The following MACF1 variants were observed in gnomAD, a reference collection of about 807,000 sequenced individuals.
MACF1 encodes microtubule-actin cross-linking factor 1.
MACF1 carries 193 observed loss-of-function variants against 854.8 expected under a neutral mutation model. That is an observed-to-expected ratio of 0.23 (90% CI 0.20 to 0.25). The LOEUF is 0.25. MACF1 is among the 10% of genes least tolerant of loss of function. The probability of loss-of-function intolerance (pLI) is 1.00; values close to 1 mark genes in which losing one functional copy is unlikely to be tolerated. For missense variants in MACF1, 7,722 were observed against 8,929.1 expected, an observed-to-expected ratio of 0.86 and a Z score of 5.45; for synonymous variants, 3,185 against 3,226.7, an observed-to-expected ratio of 0.99 and a Z score of 0.44.
chr1:39,411,417 G>A (rs754366103), intron 58 of MACF1: 2 of 1,613,908 alleles, frequency 1.2e-6, no homozygotes, highest in East Asian at 4.5e-5. Flanking sequence ...CTGTCTTGAG[G>A]ACTTTTGGCC....
chr1:39,437,139 C>G (rs986137892), intron 70 of MACF1, among the ~76,000 whole-genome samples: 2 of 151,952 alleles, frequency 1.3e-5, no homozygotes, highest in Non-Finnish European at 2.9e-5. Context: ...AGTCTTGTCC[C>G]TTTTTTGTTA....
chr1:39,214,698 C>G (rs1644555334), intron 1 of MACF1, among the ~76,000 whole-genome samples: 1 of 152,216 alleles, frequency 6.6e-6, no homozygotes, highest in African/African-American at 2.4e-5. Flanking sequence ...TCCCTTTTGG[C>G]AGCTGTAAGT....
intron 1 of MACF1, among the ~76,000 whole-genome samples, chr1:39,205,627 G>T (rs750549207): frequency 3.3e-5 from 5 of 152,020 alleles, no homozygotes; most frequent in African/African-American, 1.2e-4. Context: ...GGAAGGGGTC[G>T]TGCGATGTCC....
At chr1:39,383,891 G>A (rs1300296451) in intron 56 of MACF1, among the ~76,000 whole-genome samples, 1 of 151,532 alleles carries the variant, frequency 6.6e-6, no homozygotes, top group East Asian at 1.9e-4. Flanking sequence ...AAAAAAAAGT[G>A]GCATTGTTTT....
At chr1:39,410,553 G>A in intron 58 of MACF1, 1 of 1,614,018 alleles carries the variant, frequency 6.2e-7, no homozygotes, top group Non-Finnish European at 8.5e-7. Context: ...TGGATGAGAG[G>A]ATAATATTTG....
chr1:39,422,366 T>C lies in MACF1; in HGVS notation c.15817-8T>C, dbSNP rs965502603. The C allele has an allele frequency of 6.2e-6, 10 of 1,613,084 alleles. No individual in the cohort carries two copies. The highest frequency in any genetic ancestry group is 8.5e-6 in the Non-Finnish European group (10 of 1,179,364). On this transcript the variant is annotated splice_polypyrimidine_tract_variant and splice_region_variant and intron_variant, in intron 58 of 100. Coordinates refer to ENST00000564288, the MANE Select transcript of MACF1 (RefSeq NM_001394062.1). Reference sequence around the variant, plus strand: ...GTATTAAATCTTCTTTGGCTTGTAATTATCTAGATGTTTCAGAAAGAACAA... The same window carrying C: ...GTATTAAATCTTCTTTGGCTTGTAACTATCTAGATGTTTCAGAAAGAACAA...
chr1:39,282,679 A>G (rs774315929), intron 7 of MACF1, among the ~76,000 whole-genome samples: 48 of 152,310 alleles, frequency 3.2e-4, no homozygotes, highest in Admixed American at 6.5e-4. Context: ...GGTTTGTGGT[A>G]CTTTGGACAG....
rs752416926 is a variant in MACF1, at chr1:39,361,464, G to T, written c.12558G>T (p.Leu4186=). Residue 4186 remains leucine, a synonymous_variant, in exon 49 of 101, where the codon CTG becomes CTT. Transcript: ENST00000564288. ...CAGACAGTACTACAGCAGCAGTGCT[G>T]CAGGGCAAACTGGCAGAGGTGAGCC... is the stretch of plus-strand genomic sequence containing the variant. ...ETADSTTAAV[L]QGKLAEVSQR... 2.5e-6 allele frequency: 4 copies of T among 1,614,216 alleles called. No individual in the cohort carries two copies. The South Asian group carries it at 3.3e-5, about 13-fold the overall frequency.
At chr1:39,310,450 A>G (rs1424715342) in intron 25 of MACF1, 22 bp downstream of exon 25, 10 of 1,605,322 alleles carry the variant, frequency 6.2e-6, no homozygotes, top group Non-Finnish European at 7.7e-6. Context: ...GGGAAGAGGG[A>G]AAGAGAATAG....
intron 44 of MACF1, among the ~76,000 whole-genome samples, chr1:39,356,728 T>C (rs534861547): frequency 3.9e-5 from 6 of 152,330 alleles, no homozygotes; most frequent in Non-Finnish European, 7.3e-5. Context: ...CTTCCACTAA[T>C]GTAGATGATT....
intron 41 of MACF1, among the ~76,000 whole-genome samples, chr1:39,348,607 C>T (rs761078568): frequency 6.6e-6 from 1 of 152,036 alleles, no homozygotes; most frequent in Non-Finnish European, 1.5e-5. Context: ...TCTATTTGTC[C>T]TAAAGAGGGG....
intron 93 of MACF1, among the ~76,000 whole-genome samples, chr1:39,462,745 TAA>T (rs1644580605): frequency 6.6e-6 from 1 of 151,820 alleles, no homozygotes; most frequent in Non-Finnish European, 1.5e-5. Flanking sequence ...AAAAGGGGAG[TAA>T]AATGTAATGT....
intron 6 of MACF1, among the ~76,000 whole-genome samples, chr1:39,276,131 G>T (rs1645432154): frequency 6.6e-6 from 1 of 151,954 alleles, no homozygotes; most frequent in Non-Finnish European, 1.5e-5. Flanking sequence ...TGTTTCCCAG[G>T]CTCGTCTTGA....
intron 2 of MACF1, among the ~76,000 whole-genome samples, chr1:39,192,626 A>C (rs1644269408): frequency 6.6e-6 from 1 of 152,188 alleles, no homozygotes; most frequent in Non-Finnish European, 1.5e-5. Context: ...AAAGCAACAC[A>C]GTTTTCTTTG....
intron 2 of MACF1, chr1:39,102,691 C>T (rs965370705): frequency 1.4e-6 from 1 of 692,400 alleles, no homozygotes. Flanking sequence ...TATTACTCTT[C>T]TCTTCCACTA....
intron 1 of MACF1, among the ~76,000 whole-genome samples, chr1:39,207,574 C>G (rs1644466019): frequency 6.6e-6 from 1 of 152,022 alleles, no homozygotes; most frequent in Non-Finnish European, 1.5e-5. Context: ...GCCACCGTGC[C>G]TGGCTGAAGA....
In MACF1 at chr1:39,234,348, A is replaced by G. The variant is rs1312982144; in HGVS notation, c.171+3105A>G. On this transcript the variant is annotated intron_variant, in intron 2 of 100. Transcript: ENST00000564288. ...TGGTGGCCGGGCAGAGGGGCTCCTC[A>G]CTTCCCAGTAGGGGCGGCCGGGCAG... Among the ~76,000 whole-genome samples the G allele has an allele frequency of 2.7e-5, 4 of 150,520 alleles. No individual in the cohort carries two copies. The East Asian group carries it at 8.0e-4, about 30-fold the overall frequency.
chr1:39,094,117 A>AT (rs1641878941), intron 2 of MACF1, among the ~76,000 whole-genome samples: 1 of 151,756 alleles, frequency 6.6e-6, no homozygotes, highest in African/African-American at 2.4e-5. Context: ...CAAGACTCAG[A>AT]TTTTTTTTAC....
At position 39,334,191 on chromosome 1, in the gene MACF1, C is replaced by T; in HGVS notation, c.7603C>T (p.Leu2535Phe). The change falls in exon 37 of 101, where the codon CTC becomes TTC. Residue 2535 changes from leucine to phenylalanine, a missense_variant. Physicochemically the swap from Leu to Phe is conservative, Grantham distance 22. Around this residue, in one of 15 missense-constraint regions of MACF1, gnomAD observed 1,531 missense variants for 1,601.6 expected, o/e 0.96. Transcript: ENST00000564288. ...AATTGGTGAAGATTTAGCCGAGAAA[C>T]TCAAAAGAGTTGAGAACTTAAACAT... is the stretch of plus-strand genomic sequence containing the variant. Reference protein sequence around the residue: ...GLIGEDLAEKLKRVENLNIHQ... With the variant: ...GLIGEDLAEKFKRVENLNIHQ... 4.3e-6 allele frequency: 7 copies of T among 1,614,104 alleles called. No individual in the cohort carries two copies. The highest frequency in any genetic ancestry group is 5.9e-6 in the Non-Finnish European group (7 of 1,180,004).
Sources: gnomAD v4.1 joint callset for allele counts (sites outside exome capture counted in the v4.1 genomes callset) on GRCh38, gnomAD v4.1.1 for gene constraint, gnomAD v4.1.1 regional missense constraint, MANE v1.5 for transcripts, NCBI Gene and HGNC (gene_info 2026-07-23, HGNC 2026-07-21) for gene names.